The following ARSL variants were observed in gnomAD, a reference collection of about 807,000 sequenced individuals.
The protein encoded by ARSL is arylsulfatase L.
ARSL carries 4 observed loss-of-function variants against 31.1 expected under a neutral mutation model. The ratio of observed to expected loss-of-function variants is 0.13; its 90% CI spans 0.06 to 0.29. The LOEUF (loss-of-function observed/expected upper bound fraction) is 0.29. Among genes scored for constraint, ARSL ranks in the 10% least tolerant of loss-of-function variants. The pLI, the probability that ARSL is intolerant of heterozygous loss-of-function variation, is 1.00. For synonymous variants in ARSL, 198 were observed against 209.9 expected (o/e 0.94, Z 0.49); for missense variants, 312 against 497.8 (o/e 0.63, Z 3.55).
At chrX:2,947,185 A>AAAATAAAT (rs771682298) in intron 6 of ARSL, among the ~76,000 whole-genome samples, 2 of 110,746 alleles carry the variant, frequency 1.8e-5, no homozygotes, top group Non-Finnish European at 3.8e-5. Context: ...ATCCTGTCTC[A>AAAATAAAT]AAATAAATAA....
intron 2 of ARSL, among the ~76,000 whole-genome samples, chrX:2,958,776 C>A (rs1405803048): frequency 9.0e-6 from 1 of 111,268 alleles, no homozygotes; most frequent in African/African-American, 3.3e-5. Context: ...TGCTTTACCA[C>A]AGGAGTTCAA....
chrX:2,960,073 T>C (rs1183599133), intron 2 of ARSL, among the ~76,000 whole-genome samples: 2 of 102,816 alleles, frequency 1.9e-5, no homozygotes, highest in African/African-American at 7.1e-5. Flanking sequence ...ATCGAGACCA[T>C]CCTGGCTAAC....
rs777264660 is a variant in ARSL, at chrX:2,961,270, CAGGAA to C, written c.-20-855_-20-851del. On this transcript the variant is annotated intron_variant, in intron 1 of 10. Transcript: ENST00000381134. ...GTGAGGGAGAGCCCAGGGTGTAGAG[CAGGAA>C]AGGAATGAGATGGAAGATAACAATT... 5.4e-5 allele frequency among the ~76,000 whole-genome samples: 6 copies of C among 111,187 alleles called. No individual in the cohort carries two copies. In the South Asian group the frequency reaches 2.4e-3, roughly 44 times the overall value.
Position 2,964,280 on chromosome X carries a change from A to G in ARSL, c.-77T>C. The G allele has an allele frequency of 2.7e-6, 2 of 754,125 alleles. No homozygotes were observed. The highest frequency in any genetic ancestry group is 3.1e-6 in the Non-Finnish European group (2 of 639,334). 62.1% of individuals were successfully genotyped at this position (754,125 alleles called of 1,213,427 possible). ...ATCAAGAAGAGGAAGGTTCTCTCCC[A>G]AAGGAAGCAAGCGTGAAGGCAGAGA... On this transcript the variant is annotated 5_prime_UTR_variant, in exon 1 of 11. Coordinates refer to ENST00000381134, the MANE Select transcript of ARSL (RefSeq NM_000047.3).
At chrX:2,965,962 T>G (rs983920455), upstream of ARSL, among the ~76,000 whole-genome samples, 3 of 112,381 alleles carry the variant, frequency 2.7e-5, no homozygotes, top group African/African-American at 9.7e-5. Context: ...CACTGCATGA[T>G]CATTGCTGGG....
chrX:2,944,315 A>G lies in ARSL; in HGVS notation c.992-1116T>C, dbSNP rs189991507. ...CTAAAAGTACAAAAATTAGCCAGGCATGGTGGCGGGTGCCTGTAAACCCAG... is the reference window on the plus strand; with the variant it reads ...CTAAAAGTACAAAAATTAGCCAGGCGTGGTGGCGGGTGCCTGTAAACCCAG... On this transcript the variant is annotated intron_variant, in intron 7 of 10. Coordinates refer to ENST00000381134, the MANE Select transcript of ARSL (RefSeq NM_000047.3). Among the ~76,000 whole-genome samples, 443 of 108,761 alleles carry G rather than the reference A, an allele frequency of 4.1e-3. 2 individuals carry two copies. The highest frequency in any genetic ancestry group is 0.024 in the South Asian group (58 of 2,435). The allele number at this position is 108,761 out of a possible 115,157, so 94.4% of individuals were successfully genotyped here. A position where few individuals can be genotyped will look rare whatever the true frequency, so the allele number is the denominator to read the frequency against.
At chrX:2,959,675 G>A in intron 2 of ARSL, 1 of 1,152,869 alleles carries the variant, frequency 8.7e-7, no homozygotes, top group East Asian at 3.3e-5. Context: ...GGAGCCTGGA[G>A]CACATCTATT....
chrX:2,946,375 G>A (rs963473535), intron 6 of ARSL, among the ~76,000 whole-genome samples: 1 of 81,176 alleles, frequency 1.2e-5, no homozygotes, highest in South Asian at 6.0e-4. Context: ...GCCTTGCTCT[G>A]TTACCCAGGC....
At position 2,935,667 on chromosome X, in the gene ARSL, TTTTTCTTTTC is replaced by T. The variant is rs200645419; in HGVS notation, c.1412-487_1412-478del. Among the ~76,000 whole-genome samples the T allele has an allele frequency of 1.1e-3, 111 of 101,023 alleles. 5 individuals are homozygous for T. The highest frequency in any genetic ancestry group is 5.2e-3 in the Middle Eastern group (1 of 194). The allele number at this position is 101,023 out of a possible 115,157, so 87.7% of individuals were successfully genotyped here. A position where few individuals can be genotyped will look rare whatever the true frequency, so the allele number is the denominator to read the frequency against. ...TGCCTGTGAATTGCACTCAGTCAGT[TTTTTCTTTTC>T]TTTTCTTTTCTTTTCTTTTTTTTTT... On this transcript the variant is annotated intron_variant, in intron 10 of 10. Coordinates refer to ENST00000381134, the MANE Select transcript of ARSL (RefSeq NM_000047.3).
chrX:2,935,681 TC>T (rs1209667480), intron 10 of ARSL, among the ~76,000 whole-genome samples: 5 of 100,725 alleles, frequency 5.0e-5, no homozygotes, highest in East Asian at 3.4e-4. Flanking sequence ...TCTTTTCTTT[TC>T]TTTTCTTTTC....
At chrX:2,936,514 G>A (rs895139041) in intron 10 of ARSL, among the ~76,000 whole-genome samples, 1 of 111,284 alleles carries the variant, frequency 9.0e-6, no homozygotes, top group Non-Finnish European at 1.9e-5. Context: ...ACTCCCCATC[G>A]TTTTAAGACG....
chrX:2,952,843 C>T lies in ARSL; in HGVS notation c.430+300G>A, dbSNP rs752892073. Reference sequence around the variant, plus strand: ...TTATTTTTATGTATTTTTTTGTAGACGTGGGGTCTTGCTATGTTGCCCAGG... The same window carrying T: ...TTATTTTTATGTATTTTTTTGTAGATGTGGGGTCTTGCTATGTTGCCCAGG... On this transcript the variant is annotated intron_variant, in intron 5 of 10. Coordinates refer to ENST00000381134, the MANE Select transcript of ARSL (RefSeq NM_000047.3). 30 of 175,686 alleles carry T rather than the reference C, an allele frequency of 1.7e-4. 1 individual carries two copies. In the East Asian group the frequency reaches 4.1e-3, roughly 24 times the overall value. The allele number at this position is 175,686 out of a possible 1,213,427, so 14.5% of individuals were successfully genotyped here. A position where few individuals can be genotyped will look rare whatever the true frequency, so the allele number is the denominator to read the frequency against.
intron 2 of ARSL, among the ~76,000 whole-genome samples, chrX:2,959,114 A>C (rs1354042275): frequency 3.6e-5 from 4 of 111,613 alleles, no homozygotes; most frequent in Admixed American, 9.6e-5. Context: ...CCTTAAGCAA[A>C]CTGTGTTGAA....
rs755685196 is a variant in ARSL at position 2,953,259 on chromosome X, A to G, written c.314T>C (p.Val105Ala). The change falls in exon 5 of 11, where the codon GTT becomes GCT. Residue 105 changes from valine (V) to alanine (A), a missense_variant. By Grantham distance (64) the Val-to-Ala change is moderately conservative. Coordinates refer to ENST00000381134, the MANE Select transcript of ARSL (RefSeq NM_000047.3). ...AAGAACACGGTAACCAATGCTGGAA[A>G]CCATCCCTTTGAGCAATTATTAAGA... ...TGRYPVRSGM[V>A]SSIGYRVLQW... is the part of the protein sequence containing the mutation. 1 of 1,209,245 alleles carries G rather than the reference A, an allele frequency of 8.3e-7. No homozygotes were observed. Among genetic ancestry groups the G allele is most frequent in the South Asian group, 1.8e-5 (1 of 56,863 alleles).
rs2089436420 is a variant in ARSL at position 2,949,684 on chromosome X, A to G, written c.474T>C (p.His158=). 1 of 1,209,959 alleles carries G rather than the reference A, an allele frequency of 8.3e-7. No homozygotes were observed. Among genetic ancestry groups the G allele is most frequent in the African/African-American group, 1.7e-5 (1 of 57,211 alleles). The change falls in exon 6 of 11, where the codon CAT becomes CAC. Residue 158 remains histidine, a synonymous_variant. Transcript: ENST00000381134. ...LGLNCESASD[H]CHHPLHHGFD... Reference sequence around the variant, plus strand: ...AGCCATGATGGAGAGGGTGGTGGCAATGATCACTGGCTGACTCACAGTTGA... The same window carrying G: ...AGCCATGATGGAGAGGGTGGTGGCAGTGATCACTGGCTGACTCACAGTTGA...
chrX:2,956,311 G>A (rs895626315), intron 3 of ARSL, among the ~76,000 whole-genome samples: 56 of 112,081 alleles, frequency 5.0e-4, no homozygotes, highest in African/African-American at 1.8e-3. Context: ...GTGTGGACTT[G>A]TCTGTCTGAA....
intron 6 of ARSL, among the ~76,000 whole-genome samples, chrX:2,946,577 C>T (rs868356792): frequency 2.1e-5 from 2 of 94,755 alleles, no homozygotes; most frequent in Non-Finnish European, 4.1e-5. Flanking sequence ...GTCTTGAACT[C>T]CTCGGCTCAA....
chrX:2,959,881 C>A (rs1361622802), intron 2 of ARSL: 3 of 326,652 alleles, frequency 9.2e-6, no homozygotes. Flanking sequence ...CATGGTGAGA[C>A]CCTGTCTCTA....
intron 1 of ARSL, 176 bp from the exon 2 acceptor site, chrX:2,960,596 G>C (rs1235210502): frequency 8.7e-6 from 4 of 457,604 alleles, no homozygotes; most frequent in African/African-American, 4.9e-5. Flanking sequence ...GAGTGAAAAG[G>C]CTTCAAAAAT....
Sources: allele counts gnomAD v4.1 joint callset (sites outside exome capture counted in the v4.1 genomes callset), GRCh38; gene constraint gnomAD v4.1.1; transcripts MANE v1.5; gene names NCBI Gene and HGNC (gene_info 2026-07-23, HGNC 2026-07-21).